Variants in SLC27A5 observed in about 807,000 individuals in gnomAD.
SLC27A5 encodes solute carrier family 27 member 5, also known as long-chain fatty acid transport protein 5.
A neutral mutation model predicts 63.1 loss-of-function variants in SLC27A5; 47 were observed. That is an observed-to-expected ratio of 0.74 (90% CI 0.59 to 0.95). The LOEUF is 0.95. Ranked by LOEUF, SLC27A5 falls within the 40% of genes least tolerant of loss-of-function variation. SLC27A5 has a pLI of 0.00. For synonymous variants in SLC27A5, 391 were observed against 403.8 expected, an observed-to-expected ratio of 0.97 and a Z score of 0.38; for missense variants, 940 against 921.0, an observed-to-expected ratio of 1.02 and a Z score of -0.27.
chr19:58,506,604 T>C (rs1447083046), intron 3 of SLC27A5, among the ~76,000 whole-genome samples: 2 of 151,518 alleles, frequency 1.3e-5, no homozygotes, highest in South Asian at 2.1e-4. Flanking sequence ...TTAACAATTA[T>C]TGATGCTGGG....
At chr19:58,500,891 G>C in intron 4 of SLC27A5, 185 bp from the exon 5 acceptor site, 1 of 1,418,120 alleles carries the variant, frequency 7.1e-7, no homozygotes, top group Non-Finnish European at 9.2e-7. Flanking sequence ...GTCTTAAATA[G>C]AGGGTTACCT....
Position 58,500,635 on chromosome 19 carries a change from G to A in SLC27A5, c.1254C>T (p.Thr418=), listed in dbSNP as rs373396374. 1.9e-6 allele frequency: 3 copies of A among 1,614,058 alleles called. No individual in the cohort carries two copies. Among genetic ancestry groups the A allele is most frequent in the Admixed American group, 1.7e-5 (1 of 59,992 alleles). The part of the protein sequence containing the change: ...GNGLRADVWE[T]FQQRFGPIRI... ...GAATAGGACCGAAGCGCTGCTGGAAGGTCTCCCACACATCAGCCCGTAGTC... is the reference window on the plus strand; with the variant it reads ...GAATAGGACCGAAGCGCTGCTGGAAAGTCTCCCACACATCAGCCCGTAGTC... The change falls in exon 5 of 10, where the codon ACC becomes ACT. Residue 418 remains threonine, a synonymous_variant. Transcript: ENST00000263093.
At chr19:58,504,573 T>TGGGGGGGGGGGGGGG (rs57027973) in intron 3 of SLC27A5, among the ~76,000 whole-genome samples, 3 of 62,078 alleles carry the variant, frequency 4.8e-5, no homozygotes, top group African/African-American at 1.1e-4. Flanking sequence ...GATTGAACCC[T>TGGGGGGGGGGGGGGG]GGGGGGGGGG....
chr19:58,509,875 G>C lies in SLC27A5; in HGVS notation c.1029C>G (p.Val343=). The change falls in exon 3 of 10, where the codon GTC becomes GTG. Residue 343 remains valine, a synonymous_variant. Coordinates refer to ENST00000263093, the MANE Select transcript of SLC27A5 (RefSeq NM_012254.3). ...GATCTAAGCAGCCGAGGATCCCAAC[G>C]ACAAGTCCCATCACGTGGTACAGAG... ...VLPLYHVMGL[V]VGILGCLDLG... is the part of the protein sequence containing the mutation. The C allele has an allele frequency of 1.2e-6, 2 of 1,613,434 alleles. No individual in the cohort carries two copies. Among genetic ancestry groups the C allele is most frequent in the Non-Finnish European group, 1.7e-6 (2 of 1,179,692 alleles).
In SLC27A5 at chr19:58,500,978, G is replaced by C. The variant is rs2053267785; in HGVS notation, c.1183-272C>G. ...AGGCCTCATCTGGGGTCTCACCTAA[G>C]AGTAGTTACCTAGAACTTTAATTTA... On this transcript the variant is annotated intron_variant, in intron 4 of 9. Transcript: ENST00000263093. The C allele has an allele frequency of 5.3e-6, 7 of 1,330,274 alleles. 1 individual carries two copies. Among genetic ancestry groups the C allele is most frequent in the Non-Finnish European group, 6.7e-6 (7 of 1,042,948 alleles). 82.4% of individuals were successfully genotyped at this position (1,330,274 alleles called of 1,614,324 possible). A position where few individuals can be genotyped will look rare whatever the true frequency, so the allele number is the denominator to read the frequency against.
At position 58,498,845 on chromosome 19, in the gene SLC27A5, C is replaced by G; in HGVS notation, c.1836G>C (p.Leu612Phe). The part of the protein sequence containing the change: ...APGQTFDGEK[L>F]YQHVRAWLPA... ...GGAGCCAAGCGCGAACGTGCTGGTACAACTTCTCCCCGTCGAAAGTCTGGC... is the reference window on the plus strand; with the variant it reads ...GGAGCCAAGCGCGAACGTGCTGGTAGAACTTCTCCCCGTCGAAAGTCTGGC... Residue 612 changes from leucine (L) to phenylalanine (F), a missense_variant, in exon 9 of 10, where the codon TTG becomes TTC. Physicochemically the swap from Leu to Phe is conservative, Grantham distance 22 (BLOSUM62 0). Coordinates refer to ENST00000263093, the MANE Select transcript of SLC27A5 (RefSeq NM_012254.3). The G allele has an allele frequency of 1.9e-6, 3 of 1,614,014 alleles. No individual in the cohort carries two copies. Among genetic ancestry groups the G allele is most frequent in the Non-Finnish European group, 2.5e-6 (3 of 1,180,034 alleles).
chr19:58,503,743 A>G (rs971405104), intron 3 of SLC27A5, among the ~76,000 whole-genome samples: 2 of 152,166 alleles, frequency 1.3e-5, no homozygotes, highest in Admixed American at 6.6e-5. Flanking sequence ...ATGAAAGGGG[A>G]ACAGAGACCT....
At position 58,498,547 on chromosome 19, in the gene SLC27A5, G is replaced by C; in HGVS notation, c.2041C>G (p.Gln681Glu). 6.2e-7 allele frequency: 1 copy of C among 1,613,910 alleles called. No homozygotes were observed. Among genetic ancestry groups the C allele is most frequent in the Non-Finnish European group, 8.5e-7 (1 of 1,179,936 alleles). Residue 681 changes from glutamine (Q) to glutamate (E), a missense_variant, in exon 10 of 10, where the codon CAG (glutamine) becomes GAG (glutamate). Gln to Glu is a conservative substitution (Grantham distance 29). Transcript: ENST00000263093. ...CTCCAGGTTCCCTCACACACAGCCTGGTACATTTCTGCCGTCAGGGGCCGG... is the reference window on the plus strand; with the variant it reads ...CTCCAGGTTCCCTCACACACAGCCTCGTACATTTCTGCCGTCAGGGGCCGG... ...SFRPLTAEMY[Q>E]AVCEGTWRL
In SLC27A5 at chr19:58,498,598, C is replaced by T. The variant is rs1193660848; in HGVS notation, c.1990G>A (p.Val664Ile). ...NVGIVVDPLFVLDNRAQSFRP... is the reference protein window; with the variant it reads ...NVGIVVDPLFILDNRAQSFRP... Reference sequence around the variant, plus strand: ...AAGGACTGGGCCCGGTTGTCCAGTACAAACAGAGGGTCAACCACGATCCCC... The same window carrying T: ...AAGGACTGGGCCCGGTTGTCCAGTATAAACAGAGGGTCAACCACGATCCCC... The change falls in exon 10 of 10, where the codon GTA (valine) becomes ATA (isoleucine). Residue 664 changes from valine (V) to isoleucine (I), a missense_variant. Transcript: ENST00000263093. 3.7e-6 allele frequency: 6 copies of T among 1,613,956 alleles called. No homozygotes were observed. In the Admixed American group the frequency reaches 5.0e-5, roughly 13 times the overall value.
At chr19:58,508,897 T>A (rs2053377580) in intron 3 of SLC27A5, 1 of 151,840 alleles carries the variant, frequency 6.6e-6, no homozygotes, top group Admixed American at 6.6e-5. Context: ...ACCAACATGG[T>A]GAAACCTAGT....
rs1191654099 is a variant in SLC27A5 at position 58,504,588 on chromosome 19, GGC to G, written c.1058-3180_1058-3179del. ...GATTGAACCCTGGGGGGGGGGGGGG[GGC>G]GGGCGGGGCGGAGCTTGCGGTGACC... On this transcript the variant is annotated intron_variant, in intron 3 of 9. Transcript: ENST00000263093. Among the ~76,000 whole-genome samples the G allele has an allele frequency of 9.0e-5, 7 of 77,830 alleles. 1 individual carries two copies. The highest frequency in any genetic ancestry group is 3.7e-4 in the African/African-American group (7 of 19,038). The allele number at this position is 77,830 out of a possible 152,430, so 51.1% of individuals were successfully genotyped here.
At position 58,498,702 on chromosome 19, in the gene SLC27A5, G is replaced by C. The variant is rs760586608; in HGVS notation, c.1897-11C>G. On this transcript the variant is annotated splice_polypyrimidine_tract_variant and intron_variant, in intron 9 of 9. Coordinates refer to ENST00000263093, the MANE Select transcript of SLC27A5 (RefSeq NM_012254.3). ...GACCTCCATGGCGTCCTGCAGGGCA[G>C]TGACCATGGTCCAATCACTGTGACA... 1 of 1,613,064 alleles carries C rather than the reference G, an allele frequency of 6.2e-7. No individual in the cohort carries two copies. The highest frequency in any genetic ancestry group is 2.2e-5 in the East Asian group (1 of 44,860).
intron 9 of SLC27A5, 28 bp downstream of exon 9, chr19:58,498,757 C>T: frequency 6.2e-7 from 1 of 1,611,882 alleles, no homozygotes; most frequent in South Asian, 1.1e-5. Flanking sequence ...TGATCTTCCA[C>T]CCACCCACCA....
intron 3 of SLC27A5, among the ~76,000 whole-genome samples, chr19:58,503,592 G>A (rs1256290044): frequency 6.6e-6 from 1 of 152,088 alleles, no homozygotes; most frequent in Non-Finnish European, 1.5e-5. Context: ...GAACCCAGGA[G>A]GGGGAGGCTG....
chr19:58,507,755 C>T (rs2053363374), intron 3 of SLC27A5: 1 of 152,006 alleles, frequency 6.6e-6, no homozygotes, highest in South Asian at 2.1e-4. Context: ...GGAATTCATT[C>T]CTGGGGGGAG....
intron 6 of SLC27A5, among the ~76,000 whole-genome samples, chr19:58,500,093 G>T (rs1366368341): frequency 6.6e-6 from 1 of 152,030 alleles, no homozygotes; most frequent in African/African-American, 2.4e-5. Context: ...GAACAAATCA[G>T]ATGGACACCC....
At chr19:58,502,938 T>G (rs62117655) in intron 3 of SLC27A5, among the ~76,000 whole-genome samples, 7 of 234 alleles carry the variant, frequency 0.03, no homozygotes, top group Non-Finnish European at 0.074. Context: ...TGGGTGAGGA[T>G]CGTCACGCCT....
At chr19:58,499,836 G>C in intron 6 of SLC27A5, 146 bp from the exon 7 acceptor site, 1 of 704,154 alleles carries the variant, frequency 1.4e-6, no homozygotes, top group African/African-American at 1.8e-5. Context: ...AGAGATGAGA[G>C]AGACATTCAG....
rs1292660355 is a variant in SLC27A5 at position 58,511,863 on chromosome 19, C to G, written c.93G>C (p.Leu31Phe). ...GQPVWPVAVALTLRWLLGDPT... is the reference protein window; with the variant it reads ...GQPVWPVAVAFTLRWLLGDPT... ...GATCCCCCAGGAGCCAGCGCAGGGT[C>G]AAGGCCACAGCGACTGGCCACACTG... The change falls in exon 1 of 10, where the codon TTG (leucine) becomes TTC (phenylalanine). Residue 31 changes from leucine to phenylalanine, a missense_variant. Physicochemically the swap from Leu to Phe is conservative, Grantham distance 22 (BLOSUM62 0). Transcript: ENST00000263093. 2 of 1,557,188 alleles carry G rather than the reference C, an allele frequency of 1.3e-6. No homozygotes were observed. The highest frequency in any genetic ancestry group is 1.2e-5 in the South Asian group (1 of 84,582).
Sources: allele counts gnomAD v4.1 joint callset (sites outside exome capture counted in the v4.1 genomes callset), GRCh38; gene constraint gnomAD v4.1.1; transcripts MANE v1.5; gene names NCBI Gene and HGNC (gene_info 2026-07-23, HGNC 2026-07-21).